DMD: variants seen among roughly 807,000 people sequenced by gnomAD.
DMD encodes the protein mutant dystrophin.
In DMD, 63 loss-of-function variants were observed where a neutral mutation model predicts 330.1. The observed-to-expected ratio is 0.19, with a 90% CI of 0.16 to 0.24. DMD has a LOEUF of 0.24. DMD is among the 10% of genes least tolerant of loss of function. DMD has a pLI of 1.00. For missense variants in DMD, 3,344 were observed against 2,684.1 expected, an observed-to-expected ratio of 1.25 and a Z score of -5.43; for synonymous variants, 1,223 against 959.8, an observed-to-expected ratio of 1.27 and a Z score of -5.07.
chrX:31,137,925 G>A (rs182711234), intron 76 of DMD, among the ~76,000 whole-genome samples: 2 of 111,551 alleles, frequency 1.8e-5, no homozygotes, highest in Non-Finnish European at 3.8e-5. Flanking sequence ...AGAAGGATTG[G>A]CAAATGCAAA....
At position 31,973,496 on chromosome X, in the gene DMD, C is replaced by G. The variant is rs780690705; in HGVS notation, c.6439-4982G>C. ...TATGAAGTATAAGATAATATCCAAACATGTTAGTACAACAGGGAGCATGGA... is the reference window on the plus strand; with the variant it reads ...TATGAAGTATAAGATAATATCCAAAGATGTTAGTACAACAGGGAGCATGGA... On this transcript the variant is annotated intron_variant, in intron 44 of 78. Coordinates refer to ENST00000357033, the MANE Select transcript of DMD (RefSeq NM_004006.3). Among the ~76,000 whole-genome samples, 8 of 110,444 alleles carry G rather than the reference C, an allele frequency of 7.2e-5. No homozygotes were observed. In the East Asian group the frequency reaches 2.3e-3, roughly 32 times the overall value.
Position 32,614,342 on chromosome X carries a change from A to G in DMD, c.1443T>C (p.Pro481=). The change falls in exon 12 of 79, where the codon CCT becomes CCC. Residue 481 remains proline (P), a synonymous_variant. Coordinates refer to ENST00000357033, the MANE Select transcript of DMD (RefSeq NM_004006.3). ...CTTGGCGTTTTAGGTCTTCAAGATC[A>G]GGTCCAAGAGGCTCTTCCTCCATTT... ...TRKMEEEPLG[P]DLEDLKRQVQ... The G allele has an allele frequency of 8.3e-7, 1 of 1,208,363 alleles. No individual in the cohort carries two copies. The highest frequency in any genetic ancestry group is 3.0e-5 in the East Asian group (1 of 33,741).
chrX:31,378,897 C>G (rs192906129), intron 60 of DMD, among the ~76,000 whole-genome samples: 19 of 111,250 alleles, frequency 1.7e-4, no homozygotes, highest in Non-Finnish European at 3.2e-4. Context: ...CACTTGACCC[C>G]AGTACAAACT....
intron 52 of DMD, among the ~76,000 whole-genome samples, chrX:31,695,067 A>G (rs1267574051): frequency 9.0e-6 from 1 of 111,234 alleles, no homozygotes; most frequent in Admixed American, 9.6e-5. Flanking sequence ...GCTCATATAA[A>G]TGATGCGGTA....
intron 7 of DMD, among the ~76,000 whole-genome samples, chrX:32,737,489 A>G (rs1422304539): frequency 9.0e-6 from 1 of 111,558 alleles, no homozygotes; most frequent in Non-Finnish European, 1.9e-5. Context: ...ATTAAAAAAA[A>G]AGACTCCACA....
At chrX:32,423,748 C>T (rs1330256099) in intron 29 of DMD, among the ~76,000 whole-genome samples, 1 of 110,655 alleles carries the variant, frequency 9.0e-6, no homozygotes, top group Non-Finnish European at 1.9e-5. Flanking sequence ...TAAACACATT[C>T]ACCACAGACC....
At chrX:31,220,057 G>T (rs1403702912) in intron 64 of DMD, among the ~76,000 whole-genome samples, 1 of 111,466 alleles carries the variant, frequency 9.0e-6, no homozygotes, top group Non-Finnish European at 1.9e-5. Flanking sequence ...CAGGTGTATA[G>T]CCTAGGAGCA....
rs746695329 is a variant in DMD, at chrX:33,009,192, G to GTATA, written c.93+10943_93+10946dup. ...TATATGTGTATATATACGTATATATGTATATATGTGTATATATACACATAT... is the reference window on the plus strand; with the variant it reads ...TATATGTGTATATATACGTATATATGTATATATATATGTGTATATATACACATAT... On this transcript the variant is annotated intron_variant, in intron 2 of 78. Coordinates refer to ENST00000357033, the MANE Select transcript of DMD (RefSeq NM_004006.3). Among the ~76,000 whole-genome samples, 2 of 42,186 alleles carry GTATA rather than the reference G, an allele frequency of 4.7e-5. 1 individual carries two copies. Among genetic ancestry groups the GTATA allele is most frequent in the Non-Finnish European group, 8.0e-5 (2 of 25,089 alleles). 36.6% of individuals were successfully genotyped at this position (42,186 alleles called of 115,157 possible).
chrX:32,741,940 G>A (rs2069330809), intron 7 of DMD, among the ~76,000 whole-genome samples: 1 of 111,852 alleles, frequency 8.9e-6, no homozygotes, highest in African/African-American at 3.2e-5. Flanking sequence ...AACAGTAATT[G>A]CATTTTCTTG....
At chrX:32,308,747 G>C (rs146741490) in intron 42 of DMD, among the ~76,000 whole-genome samples, 53 of 110,815 alleles carry the variant, frequency 4.8e-4, no homozygotes, top group African/African-American at 1.7e-3. Flanking sequence ...CAGGCTAAGA[G>C]GTATGGAGAC....
At chrX:33,178,609 T>G (rs1391644171) in intron 1 of DMD, among the ~76,000 whole-genome samples, 4 of 112,597 alleles carry the variant, frequency 3.6e-5, no homozygotes, top group Non-Finnish European at 7.5e-5. Context: ...TCATTATTTT[T>G]AAAACAAAGA....
intron 1 of DMD, among the ~76,000 whole-genome samples, chrX:33,169,818 T>C (rs1209031285): frequency 2.7e-5 from 3 of 109,976 alleles, no homozygotes; most frequent in Non-Finnish European, 3.8e-5. Context: ...TAATGTGTCC[T>C]TTTTTTTAAT....
intron 55 of DMD, among the ~76,000 whole-genome samples, chrX:31,622,871 TATATATAC>T (rs1216951661): frequency 2.0e-4 from 18 of 88,829 alleles, no homozygotes; most frequent in Admixed American, 4.0e-4. Context: ...TATATATATA[TATATATAC>T]ACACACACAC....
chrX:32,698,619 T>A (rs1445704943), intron 8 of DMD, among the ~76,000 whole-genome samples: 1 of 112,257 alleles, frequency 8.9e-6, no homozygotes, highest in Non-Finnish European at 1.9e-5. Flanking sequence ...CATGTTTTTC[T>A]TTATTGTTTA....
At chrX:33,294,866 G>A (rs773891048) in intron 1 of DMD, among the ~76,000 whole-genome samples, 1 of 110,667 alleles carries the variant, frequency 9.0e-6, no homozygotes, top group African/African-American at 3.3e-5. Context: ...CAATTTCAAA[G>A]TCACACACAA....
chrX:32,769,994 A>G (rs1194752032), intron 7 of DMD, among the ~76,000 whole-genome samples: 1 of 112,057 alleles, frequency 8.9e-6, no homozygotes, highest in Non-Finnish European at 1.9e-5. Context: ...TGAAGTACTA[A>G]GGTAAGTGAC....
intron 76 of DMD, among the ~76,000 whole-genome samples, chrX:31,138,120 C>A (rs1266733926): frequency 9.0e-6 from 1 of 111,660 alleles, no homozygotes; most frequent in African/African-American, 3.3e-5. Flanking sequence ...CTTAGAATGT[C>A]TTTGACTGGT....
At chrX:31,793,264 A>C (rs1181602741) in intron 50 of DMD, among the ~76,000 whole-genome samples, 2 of 110,521 alleles carry the variant, frequency 1.8e-5, no homozygotes, top group Non-Finnish European at 1.9e-5. Context: ...ACTGGGATAT[A>C]AGTTCCCACT....
chrX:32,557,082 C>A (rs2050384224), intron 16 of DMD, among the ~76,000 whole-genome samples: 1 of 111,382 alleles, frequency 9.0e-6, no homozygotes, highest in Non-Finnish European at 1.9e-5. Context: ...TAAATGGTAG[C>A]TATTATGACC....
Sources: gnomAD v4.1 joint callset for allele counts (sites outside exome capture counted in the v4.1 genomes callset) on GRCh38, gnomAD v4.1.1 for gene constraint, MANE v1.5 for transcripts, NCBI Gene and HGNC (gene_info 2026-07-23, HGNC 2026-07-21) for gene names.